Variants in PCDH10 observed in about 807,000 individuals in gnomAD.
PCDH10 encodes the protein protocadherin-10.
In PCDH10, 15 loss-of-function variants were observed where a neutral mutation model predicts 74.4. The ratio of observed to expected loss-of-function variants is 0.20; its 90% CI spans 0.13 to 0.31. The LOEUF is 0.31. PCDH10 is among the 10% of genes least tolerant of loss of function. The pLI, the probability that PCDH10 is intolerant of heterozygous loss-of-function variation, is 1.00. For missense variants in PCDH10, 1,260 were observed against 1,390.2 expected, an observed-to-expected ratio of 0.91 and a Z score of 1.49; for synonymous variants, 619 against 589.8, an observed-to-expected ratio of 1.05 and a Z score of -0.72.
chr4:133,150,769 G>A lies in PCDH10; in HGVS notation c.629G>A (p.Gly210Glu). ...VLTAVDGGGG[G>E]GVGEGGGGGG... ...ACCGCGGTGGACGGAGGAGGTGGGG[G>A]AGGAGTAGGAGAAGGAGGGGGAGGT... Residue 210 changes from glycine (G) to glutamate (E), a missense_variant, in exon 1 of 5, where the codon GGA becomes GAA. Around this residue, in one of 11 missense-constraint regions of PCDH10, gnomAD observed 192 missense variants for 161.2 expected, o/e 1.19. Coordinates refer to ENST00000264360, the MANE Select transcript of PCDH10 (RefSeq NM_032961.3). The A allele has an allele frequency of 1.9e-6, 3 of 1,590,848 alleles. No individual in the cohort carries two copies. Among genetic ancestry groups the A allele is most frequent in the Non-Finnish European group, 2.6e-6 (3 of 1,168,218 alleles).
At chr4:133,186,376 C>T (rs1727541779) in intron 4 of PCDH10, among the ~76,000 whole-genome samples, 1 of 152,018 alleles carries the variant, frequency 6.6e-6, no homozygotes, top group Non-Finnish European at 1.5e-5. Flanking sequence ...AAAATAAAAC[C>T]TCCCTATCTA....
At chr4:133,173,875 T>C (rs1296047549) in intron 4 of PCDH10, among the ~76,000 whole-genome samples, 1 of 151,900 alleles carries the variant, frequency 6.6e-6, no homozygotes, top group Non-Finnish European at 1.5e-5. Flanking sequence ...GTCAAATATA[T>C]ACACATCTAA....
rs1727692354 is a variant in PCDH10, at chr4:133,192,215, C to T, written c.*2055C>T. On this transcript the variant is annotated 3_prime_UTR_variant, in exon 5 of 5. Transcript: ENST00000264360. Reference sequence around the variant, plus strand: ...TCACTAAGTGCAGCAGTAACATTTTCTTAAACTTTGGCATTACTACATTAA... The same window carrying T: ...TCACTAAGTGCAGCAGTAACATTTTTTTAAACTTTGGCATTACTACATTAA... 1 of 151,562 alleles carries T rather than the reference C, an allele frequency of 6.6e-6. No individual in the cohort carries two copies. The highest frequency in any genetic ancestry group is 1.5e-5 in the Non-Finnish European group (1 of 67,624). The allele number at this position is 151,562 out of a possible 1,614,324, so 9.4% of individuals were successfully genotyped here.
In PCDH10 at chr4:133,151,441, T is replaced by TGGGACCTCGCCTC; in HGVS notation, c.1303_1304insGACCTCGCCTCGG (p.Ala435GlyfsTer17). The TGGGACCTCGCCTC allele has an allele frequency of 6.2e-7, 1 of 1,613,808 alleles. No individual in the cohort carries two copies. ...GGGGACTCCTACACCCTGACTGTAGTGGCTCGGGACCGGGGCGAGCCTGCG... is the reference window on the plus strand; with the variant it reads ...GGGGACTCCTACACCCTGACTGTAGTGGGACCTCGCCTCGGCTCGGGACCGGGGCGAGCCTGCG... On this transcript the variant is annotated frameshift_variant, in exon 1 of 5. Coordinates refer to ENST00000264360, the MANE Select transcript of PCDH10 (RefSeq NM_032961.3). LOFTEE classifies it high-confidence loss of function.
intron 3 of PCDH10, among the ~76,000 whole-genome samples, chr4:133,159,564 A>T (rs1484294487): frequency 1.3e-5 from 2 of 151,998 alleles, no homozygotes; most frequent in Non-Finnish European, 2.9e-5. Context: ...CAGGTGAGGG[A>T]TGTGAAATTA....
At chr4:133,186,379 CCTAT>C (rs1160365904) in intron 4 of PCDH10, among the ~76,000 whole-genome samples, 1 of 152,002 alleles carries the variant, frequency 6.6e-6, no homozygotes, top group Non-Finnish European at 1.5e-5. Context: ...ATAAAACCTC[CCTAT>C]CTATCAAGTG....
chr4:133,189,241 TTAATC>T (rs1319589869), intron 4 of PCDH10, among the ~76,000 whole-genome samples: 1 of 152,154 alleles, frequency 6.6e-6, no homozygotes, highest in African/African-American at 2.4e-5. Flanking sequence ...ATGTGAAAAT[TTAATC>T]TAAATTCAAC....
chr4:133,164,444 A>G (rs1267993976), intron 4 of PCDH10, among the ~76,000 whole-genome samples: 1 of 152,002 alleles, frequency 6.6e-6, no homozygotes, highest in Non-Finnish European at 1.5e-5. Context: ...CTACTGTTTC[A>G]CTTAAACTAA....
At chr4:133,204,474 CAG>C (rs948222614) in intron 2 of PCDH10, among the ~76,000 whole-genome samples, 1 of 152,170 alleles carries the variant, frequency 6.6e-6, no homozygotes, top group African/African-American at 2.4e-5. Context: ...GCAGGAGACT[CAG>C]GGACACTTGC....
At chr4:133,156,520 C>T (rs756150243) in intron 3 of PCDH10, among the ~76,000 whole-genome samples, 4 of 152,146 alleles carry the variant, frequency 2.6e-5, no homozygotes, top group Middle Eastern at 3.2e-3. Flanking sequence ...TTCATTTTTG[C>T]CCTATATATG....
chr4:133,163,533 A>G (rs1727018874), intron 4 of PCDH10, among the ~76,000 whole-genome samples: 1 of 152,198 alleles, frequency 6.6e-6, no homozygotes, highest in African/African-American at 2.4e-5. Flanking sequence ...ATTATTTTAT[A>G]TAATCATTGC....
downstream of PCDH10, among the ~76,000 whole-genome samples, chr4:133,195,483 T>C (rs1015200840): frequency 6.6e-6 from 1 of 152,116 alleles, no homozygotes; most frequent in Non-Finnish European, 1.5e-5. Flanking sequence ...CTTTTATCCC[T>C]TATTTTCACT....
chr4:133,204,673 G>A (rs1420688997), intron 2 of PCDH10, among the ~76,000 whole-genome samples: 2 of 152,168 alleles, frequency 1.3e-5, no homozygotes, highest in African/African-American at 4.8e-5. Context: ...TTATCCAAAA[G>A]CAGTGAATTA....
intron 4 of PCDH10, among the ~76,000 whole-genome samples, chr4:133,175,875 A>G (rs1287635100): frequency 6.6e-6 from 1 of 152,170 alleles, no homozygotes; most frequent in Non-Finnish European, 1.5e-5. Flanking sequence ...GCAAATCAAC[A>G]GTCTTCCTTT....
At chr4:133,173,523 T>G (rs1403294017) in intron 4 of PCDH10, among the ~76,000 whole-genome samples, 1 of 152,010 alleles carries the variant, frequency 6.6e-6, no homozygotes, top group African/African-American at 2.4e-5. Flanking sequence ...AAATATCACG[T>G]TCTAGCTGTG....
chr4:133,163,326 G>A (rs1037249617), intron 4 of PCDH10, 44 bp downstream of exon 4: 2 of 1,479,864 alleles, frequency 1.4e-6, no homozygotes, highest in African/African-American at 2.8e-5. Context: ...TCCCTTTGAG[G>A]AGATAAAGTT....
chr4:133,174,740 A>G (rs1230668866), intron 4 of PCDH10, among the ~76,000 whole-genome samples: 5 of 151,746 alleles, frequency 3.3e-5, no homozygotes, highest in Admixed American at 3.3e-4. Context: ...TAGAGCTTGA[A>G]TTAAGCTAAT....
intron 1 of PCDH10, 132 bp downstream of exon 1, chr4:133,152,903 A>G (rs3749589): frequency 0.44 from 647,215 of 1,465,944 alleles, 145,522 homozygotes; most frequent in African/African-American, 0.66. Context: ...TTGTGGGAGC[A>G]GAGATGGGCG....
chr4:133,160,406 CTT>C (rs5862060), intron 3 of PCDH10, among the ~76,000 whole-genome samples: 9 of 144,476 alleles, frequency 6.2e-5, no homozygotes, highest in South Asian at 4.4e-4. Flanking sequence ...TATATCCTCA[CTT>C]TTTTTTTTTT....
Sources: gnomAD v4.1 joint callset for allele counts (sites outside exome capture counted in the v4.1 genomes callset) on GRCh38, gnomAD v4.1.1 for gene constraint, gnomAD v4.1.1 regional missense constraint, MANE v1.5 for transcripts, NCBI Gene and HGNC (gene_info 2026-07-23, HGNC 2026-07-21) for gene names.